Variants in PTK2 observed in about 807,000 individuals in gnomAD.
PTK2 encodes the protein protein tyrosine kinase 2, also known as focal adhesion kinase 1.
A neutral mutation model predicts 150.1 loss-of-function variants in PTK2; 45 were observed. The ratio of observed to expected loss-of-function variants is 0.30; its 90% CI spans 0.24 to 0.38. The LOEUF (loss-of-function observed/expected upper bound fraction) is 0.38, where lower values mean the gene tolerates loss of function less well. Among genes scored for constraint, PTK2 ranks in the 10% least tolerant of loss-of-function variants. The pLI is 1.00. For missense variants in PTK2, 919 were observed against 1,307.3 expected, an observed-to-expected ratio of 0.70 and a Z score of 4.58; for synonymous variants, 432 against 449.2, an observed-to-expected ratio of 0.96 and a Z score of 0.48.
At chr8:140,823,109 G>C (rs1406454302) in intron 8 of PTK2, among the ~76,000 whole-genome samples, 1 of 152,128 alleles carries the variant, frequency 6.6e-6, no homozygotes, top group Admixed American at 6.5e-5. Flanking sequence ...CAATAAATTG[G>C]AATATGGTAG....
chr8:140,819,961 T>C (rs1419685647), intron 8 of PTK2, among the ~76,000 whole-genome samples: 1 of 151,496 alleles, frequency 6.6e-6, no homozygotes, highest in African/African-American at 2.4e-5. Flanking sequence ...TGTGATGAGG[T>C]CTAATGAAGA....
intron 27 of PTK2, among the ~76,000 whole-genome samples, chr8:140,683,211 A>G (rs935588260): frequency 6.6e-6 from 1 of 152,230 alleles, no homozygotes; most frequent in African/African-American, 2.4e-5. Context: ...CTATCATAGA[A>G]CATTATGAAC....
intron 8 of PTK2, among the ~76,000 whole-genome samples, chr8:140,824,082 G>T (rs2100110466): frequency 6.6e-6 from 1 of 152,176 alleles, no homozygotes; most frequent in South Asian, 2.1e-4. Context: ...TAAATAAAGT[G>T]AGTCAATTTG....
At chr8:140,890,881 C>T (rs1313589357) in intron 2 of PTK2, 112 bp from the exon 3 acceptor site, 8 of 914,930 alleles carry the variant, frequency 8.7e-6, no homozygotes, top group Non-Finnish European at 1.2e-5. Context: ...ATGTTATATG[C>T]GGAAGGAGTC....
intron 1 of PTK2, among the ~76,000 whole-genome samples, chr8:140,947,725 G>A (rs2100178173): frequency 6.6e-6 from 1 of 152,112 alleles, no homozygotes; most frequent in Middle Eastern, 3.2e-3. Flanking sequence ...GCACAGTGAT[G>A]TGTAAAACAG....
chr8:140,857,443 A>G (rs1367783958), intron 5 of PTK2, among the ~76,000 whole-genome samples: 1 of 152,214 alleles, frequency 6.6e-6, no homozygotes, highest in Non-Finnish European at 1.5e-5. Context: ...AAAGGCAATT[A>G]AGCATCATAA....
chr8:140,931,928 CAAAAAAAAAAA>C (rs765792463), intron 1 of PTK2, among the ~76,000 whole-genome samples: 7 of 54,634 alleles, frequency 1.3e-4, no homozygotes, highest in East Asian at 1.9e-3. Context: ...GACCCAGTCT[CAAAAAAAAAAA>C]AAAAAAAAAA....
intron 26 of PTK2, among the ~76,000 whole-genome samples, chr8:140,695,051 C>G (rs1246552368): frequency 6.6e-6 from 1 of 152,242 alleles, no homozygotes; most frequent in African/African-American, 2.4e-5. Context: ...TGCCCTATAT[C>G]CAGCTGCCTC....
intron 12 of PTK2, among the ~76,000 whole-genome samples, 190 bp downstream of exon 12, chr8:140,800,269 T>C (rs1185602682): frequency 6.6e-6 from 1 of 152,168 alleles, no homozygotes; most frequent in African/African-American, 2.4e-5. Context: ...AACCCAGCTC[T>C]TGGCTTGTGG....
intron 1 of PTK2, among the ~76,000 whole-genome samples, chr8:140,968,646 T>C (rs977441086): frequency 3.3e-5 from 5 of 152,232 alleles, no homozygotes; most frequent in Non-Finnish European, 5.9e-5. Context: ...AATTATATTG[T>C]GTGAAAGGCT....
intron 11 of PTK2, among the ~76,000 whole-genome samples, chr8:140,802,778 T>C (rs573483491): frequency 6.6e-6 from 1 of 152,306 alleles, no homozygotes; most frequent in African/African-American, 2.4e-5. Context: ...GTATTCAGTA[T>C]AGTAGCATGC....
rs143447176 is a variant in PTK2, at chr8:140,986,081, A to G, written c.-122+15044T>C. Among the ~76,000 whole-genome samples, 125 of 152,364 alleles carry G rather than the reference A, an allele frequency of 8.2e-4. 1 individual carries two copies. Among genetic ancestry groups the G allele is most frequent in the African/African-American group, 2.6e-3 (108 of 41,590 alleles). On this transcript the variant is annotated intron_variant, in intron 1 of 31. Transcript: ENST00000522684. ...CTGATGAGGTTTTGATAGTCAAGCC[A>G]TATCTATCCACTAGAACTTTCTGCA... is the stretch of plus-strand genomic sequence containing the variant.
At chr8:140,814,222 C>T (rs752408674) in intron 10 of PTK2, among the ~76,000 whole-genome samples, 2 of 152,116 alleles carry the variant, frequency 1.3e-5, no homozygotes, top group Non-Finnish European at 2.9e-5. Context: ...TTCTACCAGA[C>T]GTATACAGAT....
chr8:140,743,199 C>G, intron 20 of PTK2, 31 bp downstream of exon 23: 1 of 1,396,504 alleles, frequency 7.2e-7, no homozygotes, highest in East Asian at 2.3e-5. Context: ...GATTCCAAGC[C>G]TATTTCTTAG....
At chr8:140,936,863 CT>C (rs34420883) in intron 1 of PTK2, among the ~76,000 whole-genome samples, 3 of 150,126 alleles carry the variant, frequency 2.0e-5, no homozygotes, top group African/African-American at 4.9e-5. Context: ...TAGAGAACAT[CT>C]TTTTTTTTTA....
intron 1 of PTK2, among the ~76,000 whole-genome samples, chr8:140,933,049 C>G (rs1252499705): frequency 6.6e-6 from 1 of 152,044 alleles, no homozygotes; most frequent in Non-Finnish European, 1.5e-5. Context: ...TGGGGTTTCA[C>G]CATGTTGGCC....
chr8:140,874,907 G>A (rs978959138), intron 4 of PTK2, among the ~76,000 whole-genome samples: 1 of 152,076 alleles, frequency 6.6e-6, no homozygotes, highest in Non-Finnish European at 1.5e-5. Flanking sequence ...TTCAAATATT[G>A]CTTATTGGGT....
At chr8:140,820,100 T>G (rs2100107414) in intron 8 of PTK2, among the ~76,000 whole-genome samples, 9 of 90,874 alleles carry the variant, frequency 9.9e-5, no homozygotes, top group African/African-American at 5.6e-5. Flanking sequence ...TTTTTTTTTT[T>G]TTTTTTTTTT....
chr8:140,935,049 A>G lies in PTK2; in HGVS notation c.-121-9300T>C, dbSNP rs151324088. On this transcript the variant is annotated intron_variant, in intron 1 of 31. Coordinates refer to ENST00000522684, the Ensembl canonical transcript of PTK2. Reference sequence around the variant, plus strand: ...TTAAGTAAGTTGTCAATCAGAGGTTAAAAGTATTATCACAATTGTTAAATG... The same window carrying G: ...TTAAGTAAGTTGTCAATCAGAGGTTGAAAGTATTATCACAATTGTTAAATG... 3.4e-3 allele frequency among the ~76,000 whole-genome samples: 521 copies of G among 152,346 alleles called. 4 individuals carry two copies. Among genetic ancestry groups the G allele is most frequent in the African/African-American group, 0.012 (505 of 41,576 alleles).
Sources: gnomAD v4.1 joint callset for allele counts (sites outside exome capture counted in the v4.1 genomes callset) on GRCh38, gnomAD v4.1.1 for gene constraint, MANE v1.5 for transcripts, NCBI Gene and HGNC (gene_info 2026-07-23, HGNC 2026-07-21) for gene names.